Variants in HOTAIR observed in about 807,000 individuals in gnomAD.
HOTAIR encodes the protein HOX transcript antisense RNA (non-protein coding).
intron 2 of HOTAIR, among the ~76,000 whole-genome samples, chr12:53,967,638 G>A (rs533240555): frequency 1.3e-5 from 2 of 152,250 alleles, no homozygotes; most frequent in African/African-American, 4.8e-5. Flanking sequence ...TCTAGAGTTC[G>A]GTGGATAGTA....
chr12:53,973,745 GC>G lies in HOTAIR; in HGVS notation n.59+1152del, dbSNP rs1445303827. ...GCGGTGGCGGCGACCCGCCCGCCGAGCCCCCCTGCTCCGGCAAGGGCGAGGC... is the reference window on the plus strand; with the variant it reads ...GCGGTGGCGGCGACCCGCCCGCCGAGCCCCCTGCTCCGGCAAGGGCGAGGC... On this transcript the variant is annotated intron_variant and non_coding_transcript_variant, in intron 1 of 6. Coordinates refer to ENST00000424518, the Ensembl canonical transcript of HOTAIR. The surrounding 1 kb of genome is among the most constrained non-coding windows in gnomAD (Gnocchi z 4.3). 1 of 1,612,646 alleles carries G rather than the reference GC, an allele frequency of 6.2e-7. No homozygotes were observed. The highest frequency in any genetic ancestry group is 2.2e-5 in the East Asian group (1 of 44,852).
At chr12:53,966,070 TA>T (rs954658987) in exon 5 of HOTAIR, 2 of 152,104 alleles carry the variant, frequency 1.3e-5, no homozygotes, top group East Asian at 1.9e-4. Flanking sequence ...CTTAAAAAAA[TA>T]AAGACGCCCC....
At chr12:53,972,233 A>G (rs1939159945) in intron 1 of HOTAIR, among the ~76,000 whole-genome samples, 1 of 152,270 alleles carries the variant, frequency 6.6e-6, no homozygotes, top group Admixed American at 6.5e-5. Flanking sequence ...CATAGAAGAT[A>G]CATGGCTCTC....
Position 53,973,091 on chromosome 12 carries a change from CGAACT to C in HOTAIR, n.59+1802_59+1806del, listed in dbSNP as rs1314658326. Reference sequence around the variant, plus strand: ...CCCCTCCTACGTCTGCGAAGTGCTCCGAACTGATATATGACAATATCTACTTTGGA... The same window carrying C: ...CCCCTCCTACGTCTGCGAAGTGCTCCGATATATGACAATATCTACTTTGGA... On this transcript the variant is annotated intron_variant and non_coding_transcript_variant, in intron 1 of 6. Transcript: ENST00000424518. This position sits in a 1 kb window ranked among gnomAD's most constrained non-coding sequence, Gnocchi z 4.3. 3.2e-6 allele frequency: 2 copies of C among 617,028 alleles called. No homozygotes were observed. The highest frequency in any genetic ancestry group is 5.8e-5 in the East Asian group (2 of 34,636). 38.2% of individuals were successfully genotyped at this position (617,028 alleles called of 1,614,324 possible).
intron 5 of HOTAIR, among the ~76,000 whole-genome samples, chr12:53,965,061 G>A (rs949212527): frequency 1.3e-5 from 2 of 152,326 alleles, no homozygotes; most frequent in African/African-American, 2.4e-5. Flanking sequence ...GAGCCTGGGA[G>A]GCAGCAATAG....
Position 53,973,738 on chromosome 12 carries a change from C to T in HOTAIR, n.59+1160G>A, listed in dbSNP as rs1455691604. On this transcript the variant is annotated intron_variant and non_coding_transcript_variant, in intron 1 of 6. Coordinates refer to ENST00000424518, the Ensembl canonical transcript of HOTAIR. The surrounding 1 kb of genome is among the most constrained non-coding windows in gnomAD (Gnocchi z 4.3). ...GCCTACTGCGGTGGCGGCGACCCGC[C>T]CGCCGAGCCCCCCTGCTCCGGCAAG... 6.2e-7 allele frequency: 1 copy of T among 1,612,884 alleles called. No homozygotes were observed. Among genetic ancestry groups the T allele is most frequent in the East Asian group, 2.2e-5 (1 of 44,844 alleles).
chr12:53,973,235 G>A lies in HOTAIR; in HGVS notation n.59+1663C>T. On this transcript the variant is annotated intron_variant and non_coding_transcript_variant, in intron 1 of 6. Coordinates refer to ENST00000424518, the Ensembl canonical transcript of HOTAIR. This position sits in a 1 kb window ranked among gnomAD's most constrained non-coding sequence, Gnocchi z 4.3. ...CCTCCATCCGGAGCCGGCAGGAGAG[G>A]AGAACGATGTTTAACTCGGTCAACC... 3 of 1,564,904 alleles carry A rather than the reference G, an allele frequency of 1.9e-6. No homozygotes were observed. Among genetic ancestry groups the A allele is most frequent in the Non-Finnish European group, 2.6e-6 (3 of 1,158,554 alleles).
chr12:53,974,539 G>A (rs1939214407), intron 1 of HOTAIR, among the ~76,000 whole-genome samples: 2 of 152,170 alleles, frequency 1.3e-5, no homozygotes, highest in South Asian at 4.1e-4. Flanking sequence ...CGGCGACAGG[G>A]GAATGGGGCG....
intron 1 of HOTAIR, among the ~76,000 whole-genome samples, chr12:53,974,375 G>A (rs1169498481): frequency 6.6e-6 from 1 of 151,996 alleles, no homozygotes; most frequent in Non-Finnish European, 1.5e-5. Flanking sequence ...GATCCAGAGA[G>A]GGGGAGAGGT....
intron 1 of HOTAIR, among the ~76,000 whole-genome samples, chr12:53,972,138 C>A (rs575554062): frequency 1.1e-3 from 162 of 152,328 alleles, no homozygotes; most frequent in African/African-American, 3.3e-3. Context: ...CCTAGTCCCC[C>A]CCACCATATT....
chr12:53,970,274 G>A (rs1939127112), intron 1 of HOTAIR, among the ~76,000 whole-genome samples: 1 of 152,218 alleles, frequency 6.6e-6, no homozygotes, highest in Non-Finnish European at 1.5e-5. Flanking sequence ...GGCTTGACAA[G>A]GAAGGGATTG....
chr12:53,973,466 CG>C lies in HOTAIR; in HGVS notation n.59+1431del, dbSNP rs1370785780. On this transcript the variant is annotated intron_variant and non_coding_transcript_variant, in intron 1 of 6. Coordinates refer to ENST00000424518, the Ensembl canonical transcript of HOTAIR. The surrounding 1 kb of genome is among the most constrained non-coding windows in gnomAD (Gnocchi z 4.3). ...TGCCCCCGGTCCGGGAGGTCTCCTA[CG>C]GCCTGGAGCCATCCGGCAAGTGGCA... 6.2e-7 allele frequency: 1 copy of C among 1,614,072 alleles called. No homozygotes were observed. The highest frequency in any genetic ancestry group is 8.5e-7 in the Non-Finnish European group (1 of 1,180,052).
chr12:53,973,951 G>A lies in HOTAIR; in HGVS notation n.59+947C>T, dbSNP rs774040501. On this transcript the variant is annotated intron_variant and non_coding_transcript_variant, in intron 1 of 6. Coordinates refer to ENST00000424518, the Ensembl canonical transcript of HOTAIR. This position sits in a 1 kb window ranked among gnomAD's most constrained non-coding sequence, Gnocchi z 4.3. ...AGGTAGCAGCGGCCGGGGAACGGGCGGGCAGCGAGGGAGGGAGCGAGAGAG... is the reference window on the plus strand; with the variant it reads ...AGGTAGCAGCGGCCGGGGAACGGGCAGGCAGCGAGGGAGGGAGCGAGAGAG... 1.1e-4 allele frequency: 154 copies of A among 1,433,154 alleles called. No homozygotes were observed. Among genetic ancestry groups the A allele is most frequent in the Non-Finnish European group, 1.3e-4 (143 of 1,091,730 alleles). 88.8% of individuals were successfully genotyped at this position (1,433,154 alleles called of 1,614,324 possible).
chr12:53,963,141 C>A (rs1938983429), exon 7 of HOTAIR: 1 of 152,170 alleles, frequency 6.6e-6, no homozygotes, highest in Admixed American at 6.5e-5. Flanking sequence ...GGAATCAGCA[C>A]GAAGCAAAGG....
intron 1 of HOTAIR, among the ~76,000 whole-genome samples, chr12:53,971,082 G>A (rs1323795106): frequency 6.6e-6 from 1 of 152,114 alleles, no homozygotes; most frequent in Non-Finnish European, 1.5e-5. Context: ...CCCATTAAAA[G>A]CCATAGTCCA....
exon 3 of HOTAIR, chr12:53,967,364 C>T (rs1264901644): frequency 6.6e-6 from 1 of 152,170 alleles, no homozygotes; most frequent in Admixed American, 6.5e-5. Flanking sequence ...CTGTGGAACT[C>T]CCAGGCCTCA....
chr12:53,974,894 G>T, intron 1 of HOTAIR: 1 of 371,378 alleles, frequency 2.7e-6, no homozygotes, highest in Non-Finnish European at 4.8e-6. Flanking sequence ...GGACGCACGT[G>T]TACCTGGAGG....
intron 5 of HOTAIR, among the ~76,000 whole-genome samples, chr12:53,965,298 C>G (rs1273320493): frequency 6.6e-6 from 1 of 152,238 alleles, no homozygotes; most frequent in African/African-American, 2.4e-5. Flanking sequence ...CATGCCCCCC[C>G]AGCCTGAGGC....
chr12:53,965,078 T>C (rs1592192889), intron 5 of HOTAIR, among the ~76,000 whole-genome samples: 2 of 152,198 alleles, frequency 1.3e-5, no homozygotes, highest in African/African-American at 2.4e-5. Context: ...ATAGACAAGG[T>C]GGAGAGGCCC....
Sources: allele counts gnomAD v4.1 joint callset (sites outside exome capture counted in the v4.1 genomes callset), GRCh38; gene constraint gnomAD v4.1.1; non-coding constraint Gnocchi (gnomAD v3.1); transcripts MANE v1.5; gene names NCBI Gene and HGNC (gene_info 2026-07-23, HGNC 2026-07-21).